The following SLCO3A1 variants were observed in gnomAD, a reference collection of about 807,000 sequenced individuals.
SLCO3A1 encodes PGE1 transporter.
A neutral mutation model predicts 63.1 loss-of-function variants in SLCO3A1; 27 were observed. The observed-to-expected ratio is 0.43, with a 90% CI of 0.32 to 0.59. The LOEUF (loss-of-function observed/expected upper bound fraction) is 0.59, where lower values mean the gene tolerates loss of function less well. Among genes scored for constraint, SLCO3A1 ranks in the 20% least tolerant of loss-of-function variants. The probability of loss-of-function intolerance (pLI) is 0.09; values close to 1 mark genes in which losing one functional copy is unlikely to be tolerated. For missense variants in SLCO3A1, 773 were observed against 945.8 expected, an observed-to-expected ratio of 0.82 and a Z score of 2.40; for synonymous variants, 473 against 409.9, an observed-to-expected ratio of 1.15 and a Z score of -1.86.
chr15:92,048,974 CT>C (rs1312385586), intron 2 of SLCO3A1, among the ~76,000 whole-genome samples: 15 of 152,194 alleles, frequency 9.9e-5, no homozygotes, highest in African/African-American at 3.6e-4. Flanking sequence ...AAATGATTGG[CT>C]TTAGCCCCAT....
At position 92,165,544 on chromosome 15, in the gene SLCO3A1, A is replaced by AT. The variant is rs1311427047; in HGVS notation, c.*2417dup. Reference sequence around the variant, plus strand: ...GTTTTTTAAACTCTTTGCATTTTGGATTTTTTTTCCTAAGATTTTAGGATG... The same window carrying AT: ...GTTTTTTAAACTCTTTGCATTTTGGATTTTTTTTTCCTAAGATTTTAGGATG... On this transcript the variant is annotated 3_prime_UTR_variant, in exon 10 of 10. Coordinates refer to ENST00000318445, the MANE Select transcript of SLCO3A1 (RefSeq NM_013272.4). The AT allele has an allele frequency of 1.5e-5, 15 of 983,554 alleles. No individual in the cohort carries two copies. The highest frequency in any genetic ancestry group is 6.2e-5 in the Admixed American group (1 of 16,240). 60.9% of individuals were successfully genotyped at this position (983,554 alleles called of 1,614,324 possible).
intron 2 of SLCO3A1, among the ~76,000 whole-genome samples, chr15:92,027,659 C>G (rs1472644691): frequency 6.6e-6 from 1 of 152,220 alleles, no homozygotes; most frequent in Non-Finnish European, 1.5e-5. Flanking sequence ...GTGTGGAGTG[C>G]CACAAGACTG....
chr15:92,154,379 T>A (rs1000788709), intron 9 of SLCO3A1, among the ~76,000 whole-genome samples: 3 of 152,148 alleles, frequency 2.0e-5, no homozygotes, highest in African/African-American at 7.2e-5. Context: ...CAGTGGAACG[T>A]TCTGTGATGA....
In SLCO3A1 at chr15:91,954,354, C is replaced by T. The variant is rs965773355; in HGVS notation, c.646+37896C>T. 1.5e-4 allele frequency among the ~76,000 whole-genome samples: 23 copies of T among 152,328 alleles called. No individual in the cohort carries two copies. The highest frequency in any genetic ancestry group is 1.0e-3 in the Admixed American group (16 of 15,308). The stretch of plus-strand genomic sequence containing the variant: ...CAGATCCTGAATGCCATCTGCAGGA[C>T]GGGCACTGTGCTGAGCCTCAGCCAG... On this transcript the variant is annotated intron_variant, in intron 2 of 9. Transcript: ENST00000318445. This position sits in a 1 kb window ranked among gnomAD's most constrained non-coding sequence, Gnocchi z 4.7.
chr15:91,869,126 C>T (rs117903067), intron 1 of SLCO3A1, among the ~76,000 whole-genome samples: 3,092 of 152,224 alleles, frequency 0.02, 101 homozygotes, highest in Admixed American at 0.07. Flanking sequence ...GGGAGCCGGG[C>T]ATGGTAGCTC....
chr15:92,132,805 C>T (rs1292642694), intron 7 of SLCO3A1, among the ~76,000 whole-genome samples: 1 of 144,870 alleles, frequency 6.9e-6, no homozygotes, highest in Admixed American at 6.9e-5. Context: ...AGGAGGACAG[C>T]TCCATTATGG....
At chr15:91,899,393 A>T (rs1898094049) in intron 1 of SLCO3A1, among the ~76,000 whole-genome samples, 1 of 152,034 alleles carries the variant, frequency 6.6e-6, no homozygotes, top group African/African-American at 2.4e-5. Flanking sequence ...ACTTTGATGC[A>T]TTTGCTTATT....
chr15:92,155,051 C>T (rs1471772276), intron 9 of SLCO3A1: 2 of 151,282 alleles, frequency 1.3e-5, no homozygotes, highest in Non-Finnish European at 2.9e-5. Flanking sequence ...ATGAAAGGCT[C>T]ACATGGACAA....
intron 2 of SLCO3A1, among the ~76,000 whole-genome samples, chr15:92,044,697 CCTAGGAGGCTGCAGTGG>C (rs1406997973): frequency 6.6e-6 from 1 of 152,166 alleles, no homozygotes; most frequent in Non-Finnish European, 1.5e-5. Flanking sequence ...TCGTCACCTG[CCTAGGAGGCTGCAGTGG>C]CTCCTCTGCC....
At chr15:92,075,536 C>T (rs571791841) in intron 2 of SLCO3A1, among the ~76,000 whole-genome samples, 2 of 152,360 alleles carry the variant, frequency 1.3e-5, no homozygotes, top group African/African-American at 4.8e-5. Context: ...CGCTGCAGCT[C>T]TTCCTGCCTT....
intron 2 of SLCO3A1, among the ~76,000 whole-genome samples, chr15:91,958,140 T>C (rs1486265937): frequency 6.6e-6 from 1 of 152,212 alleles, no homozygotes; most frequent in Non-Finnish European, 1.5e-5. Flanking sequence ...TTTAGGTATG[T>C]CATGAATGCA....
In SLCO3A1 at chr15:91,865,846, A is replaced by G. The variant is rs946103267; in HGVS notation, c.180+11758A>G. Among the ~76,000 whole-genome samples, 2 of 152,230 alleles carry G rather than the reference A, an allele frequency of 1.3e-5. No individual in the cohort carries two copies. The highest frequency in any genetic ancestry group is 4.8e-5 in the African/African-American group (2 of 41,466). On this transcript the variant is annotated intron_variant, in intron 1 of 9. Transcript: ENST00000318445. The surrounding 1 kb of genome is among the most constrained non-coding windows in gnomAD (Gnocchi z 4.6). Reference sequence around the variant, plus strand: ...GACTTCAGTTTATCTTTTTGGGGAAAACAAATCAATTCATAACACCAGAGA... The same window carrying G: ...GACTTCAGTTTATCTTTTTGGGGAAGACAAATCAATTCATAACACCAGAGA...
intron 2 of SLCO3A1, among the ~76,000 whole-genome samples, chr15:92,012,250 G>A (rs2046377230): frequency 6.6e-6 from 1 of 152,148 alleles, no homozygotes; most frequent in Non-Finnish European, 1.5e-5. Context: ...CTTTGAGATT[G>A]GAGCAGCTTG....
intron 2 of SLCO3A1, among the ~76,000 whole-genome samples, chr15:91,986,129 G>A (rs971344327): frequency 6.6e-5 from 10 of 152,186 alleles, no homozygotes; most frequent in South Asian, 2.1e-4. Context: ...AGGCTGAGTG[G>A]CATGGCTTTT....
chr15:92,001,729 A>G (rs990861173), intron 2 of SLCO3A1, among the ~76,000 whole-genome samples: 14 of 151,738 alleles, frequency 9.2e-5, no homozygotes, highest in Non-Finnish European at 1.5e-4. Flanking sequence ...AAAGATCTCT[A>G]TCCCAACCAA....
chr15:91,903,285 T>C (rs1448598644), intron 1 of SLCO3A1, among the ~76,000 whole-genome samples: 1 of 152,202 alleles, frequency 6.6e-6, no homozygotes, highest in African/African-American at 2.4e-5. Flanking sequence ...GTCAGTGTGT[T>C]TTCCCTCCTA....
intron 2 of SLCO3A1, among the ~76,000 whole-genome samples, chr15:91,926,626 AC>A (rs1899041977): frequency 1.0e-5 from 1 of 95,888 alleles, no homozygotes; most frequent in African/African-American, 4.8e-5. Context: ...CTTATTTTAA[AC>A]CACATAATAG....
chr15:92,090,022 T>C (rs140703866), intron 2 of SLCO3A1, among the ~76,000 whole-genome samples: 3 of 152,180 alleles, frequency 2.0e-5, no homozygotes, highest in African/African-American at 7.2e-5. Context: ...AAAACCATGA[T>C]ACGTATCAAC....
intron 1 of SLCO3A1, among the ~76,000 whole-genome samples, chr15:91,898,486 G>T (rs902206959): frequency 3.3e-5 from 5 of 152,096 alleles, no homozygotes; most frequent in African/African-American, 1.2e-4. Context: ...TTATTATCTG[G>T]CCTCCAGAGC....
Sources: allele counts gnomAD v4.1 joint callset (sites outside exome capture counted in the v4.1 genomes callset), GRCh38; gene constraint gnomAD v4.1.1; non-coding constraint Gnocchi (gnomAD v3.1); transcripts MANE v1.5; gene names NCBI Gene and HGNC (gene_info 2026-07-23, HGNC 2026-07-21).